The following PCDHA12 variants were observed in gnomAD, a reference collection of about 807,000 sequenced individuals.
The protein encoded by PCDHA12 is protocadherin alpha 12.
PCDHA12 carries 44 observed loss-of-function variants against 60.0 expected under a neutral mutation model. The observed-to-expected ratio is 0.73, with a 90% confidence interval of 0.58 to 0.94. The LOEUF (loss-of-function observed/expected upper bound fraction) is 0.94. PCDHA12 is among the 40% of genes least tolerant of loss of function. The probability of loss-of-function intolerance (pLI) is 0.00; values close to 1 mark genes in which losing one functional copy is unlikely to be tolerated. For missense variants in PCDHA12, 1,276 were observed against 1,239.7 expected, an observed-to-expected ratio of 1.03 and a Z score of -0.44; for synonymous variants, 569 against 553.0, an observed-to-expected ratio of 1.03 and a Z score of -0.40.
At chr5:140,921,943 T>C (rs2080514176) in intron 1 of PCDHA12, among the ~76,000 whole-genome samples, 1 of 151,972 alleles carries the variant, frequency 6.6e-6, no homozygotes, top group South Asian at 2.1e-4. Context: ...AATTTTACAC[T>C]TGTAAAATCC....
intron 1 of PCDHA12, among the ~76,000 whole-genome samples, chr5:140,896,747 G>C (rs1162214018): frequency 1.3e-5 from 2 of 152,070 alleles, no homozygotes; most frequent in Admixed American, 1.3e-4. Context: ...ATAGATTCTG[G>C]ATATTAGACC....
intron 3 of PCDHA12, among the ~76,000 whole-genome samples, chr5:140,986,846 A>G (rs782028314): frequency 6.6e-6 from 1 of 152,200 alleles, no homozygotes; most frequent in Non-Finnish European, 1.5e-5. Flanking sequence ...AAGGGGCAGC[A>G]ACACCAACAA....
chr5:141,000,192 T>C lies in PCDHA12; in HGVS notation c.2516-9435T>C, dbSNP rs112948047. 6.4e-3 allele frequency among the ~76,000 whole-genome samples: 968 copies of C among 151,888 alleles called. 13 individuals carry two copies. Among genetic ancestry groups the C allele is most frequent in the African/African-American group, 0.023 (941 of 41,384 alleles). ...TTGAGCCAAGGAGTCAATGTGAGAA[T>C]AGTTTTTCACCTTCATTATCAAATG... On this transcript the variant is annotated intron_variant, in intron 3 of 3. Coordinates refer to ENST00000398631, the MANE Select transcript of PCDHA12 (RefSeq NM_018903.4).
intron 1 of PCDHA12, among the ~76,000 whole-genome samples, chr5:140,888,467 A>C (rs562447782): frequency 7.2e-5 from 11 of 152,334 alleles, no homozygotes; most frequent in African/African-American, 2.6e-4. Flanking sequence ...TCAAAATGTC[A>C]GTAGTTCCAC....
At chr5:140,891,128 C>G (rs1554184692) in intron 1 of PCDHA12, among the ~76,000 whole-genome samples, 1 of 152,100 alleles carries the variant, frequency 6.6e-6, no homozygotes, top group Non-Finnish European at 1.5e-5. Flanking sequence ...AAATGTCATT[C>G]CTTTAAAGGT....
intron 1 of PCDHA12, among the ~76,000 whole-genome samples, chr5:140,951,349 T>C (rs1403359324): frequency 1.3e-5 from 2 of 152,144 alleles, no homozygotes; most frequent in Non-Finnish European, 2.9e-5. Flanking sequence ...GTTAGTCCAT[T>C]ATTGCACTGT....
Position 140,928,140 on chromosome 5 carries a change from G to GGCC in PCDHA12, c.2367+50302_2367+50304dup. 3 of 1,614,154 alleles carry GGCC rather than the reference G, an allele frequency of 1.9e-6. No homozygotes were observed. The South Asian group carries it at 3.3e-5, about 18-fold the overall frequency. On this transcript the variant is annotated intron_variant, in intron 1 of 3. Transcript: ENST00000398631. ...TCAGTGAATACCAAGTCCTGATCAC[G>GGCC]GCCTCAGATAGTGGCTCACCCCCAC...
chr5:140,945,715 A>G (rs145543790), intron 1 of PCDHA12, among the ~76,000 whole-genome samples: 3,564 of 152,270 alleles, frequency 0.023, 50 homozygotes, highest in Middle Eastern at 0.034. Context: ...AAAAGTATCA[A>G]GAATATACAA....
chr5:140,926,353 C>T (rs1402316154), intron 1 of PCDHA12: 1 of 152,272 alleles, frequency 6.6e-6, no homozygotes, highest in Non-Finnish European at 1.5e-5. Flanking sequence ...ACGCGCGGCT[C>T]CCAAAGGGCG....
Position 140,877,318 on chromosome 5 carries a change from G to T in PCDHA12, c.1846G>T (p.Val616Phe), listed in dbSNP as rs1193928342. Residue 616 changes from valine (V) to phenylalanine (F), a missense_variant, in exon 1 of 4, where the codon GTC (valine) becomes TTC (phenylalanine). By Grantham distance (50) the Val-to-Phe change is conservative (BLOSUM62 -1). Coordinates refer to ENST00000398631, the MANE Select transcript of PCDHA12 (RefSeq NM_018903.4). ...GTCCTACGAGTTGCAACCGGCGGCG[G>T]TCGGCGCGCACATCCCGTTCCACGT... ...WLSYELQPAAVGAHIPFHVGL... is the reference protein window; with the variant it reads ...WLSYELQPAAFGAHIPFHVGL... 3 of 1,614,000 alleles carry T rather than the reference G, an allele frequency of 1.9e-6. No homozygotes were observed. Among genetic ancestry groups the T allele is most frequent in the Non-Finnish European group, 2.5e-6 (3 of 1,179,880 alleles).
intron 1 of PCDHA12, among the ~76,000 whole-genome samples, chr5:140,942,896 C>CT (rs1554215262): frequency 6.6e-6 from 1 of 151,664 alleles, no homozygotes; most frequent in African/African-American, 2.4e-5. Flanking sequence ...AAATTTATCT[C>CT]TAAGAATAAG....
In PCDHA12 at chr5:140,875,591, A is replaced by G. The variant is rs1438500941; in HGVS notation, c.119A>G (p.Lys40Arg). ...CACTACTCCGTCTACGAGGAGGCCAAACACGGCACCTTCGTGGGCCGCATC... is the reference window on the plus strand; with the variant it reads ...CACTACTCCGTCTACGAGGAGGCCAGACACGGCACCTTCGTGGGCCGCATC... ...QLHYSVYEEA[K>R]HGTFVGRIAQ... The change falls in exon 1 of 4, where the codon AAA (lysine) becomes AGA (arginine). Residue 40 changes from lysine (K) to arginine (R), a missense_variant. Lys to Arg is a conservative substitution (Grantham distance 26). Coordinates refer to ENST00000398631, the MANE Select transcript of PCDHA12 (RefSeq NM_018903.4). The G allele has an allele frequency of 9.3e-6, 15 of 1,613,878 alleles. No homozygotes were observed. The highest frequency in any genetic ancestry group is 1.7e-5 in the Admixed American group (1 of 60,004).
At chr5:140,959,548 A>G (rs1554224134) in intron 1 of PCDHA12, among the ~76,000 whole-genome samples, 2 of 152,194 alleles carry the variant, frequency 1.3e-5, no homozygotes, top group Non-Finnish European at 2.9e-5. Flanking sequence ...ATGCTGTATA[A>G]ATAGAATCAG....
chr5:140,898,980 G>A (rs2067076537), intron 1 of PCDHA12, among the ~76,000 whole-genome samples: 1 of 151,930 alleles, frequency 6.6e-6, no homozygotes, highest in South Asian at 2.1e-4. Flanking sequence ...CTCATGATTT[G>A]GCTCTCTGTT....
intron 1 of PCDHA12, among the ~76,000 whole-genome samples, chr5:140,917,329 GA>G (rs1467900886): frequency 0.012 from 1,654 of 143,658 alleles, 142 homozygotes; most frequent in African/African-American, 0.032. Context: ...TGTGGCGGGG[GA>G]GGGGGGGGAT....
At chr5:140,937,546 G>A (rs1584916949) in intron 1 of PCDHA12, among the ~76,000 whole-genome samples, 1 of 152,050 alleles carries the variant, frequency 6.6e-6, no homozygotes, top group Non-Finnish European at 1.5e-5. Flanking sequence ...GAACCTGCGA[G>A]GCAGAGGTTG....
intron 1 of PCDHA12, chr5:140,967,251 C>T: frequency 6.2e-7 from 1 of 1,613,408 alleles, no homozygotes; most frequent in Non-Finnish European, 8.5e-7. Context: ...GAATCGGTGG[C>T]GCCTGGAGCG....
intron 3 of PCDHA12, among the ~76,000 whole-genome samples, chr5:141,006,789 C>T (rs1388215052): frequency 6.6e-6 from 1 of 152,026 alleles, no homozygotes; most frequent in Non-Finnish European, 1.5e-5. Flanking sequence ...GAATAATTAG[C>T]TTTGAACTTT....
intron 1 of PCDHA12, among the ~76,000 whole-genome samples, chr5:140,909,815 C>A (rs1168197798): frequency 3.9e-5 from 6 of 152,094 alleles, no homozygotes; most frequent in Non-Finnish European, 8.8e-5. Flanking sequence ...ACTCCATAAG[C>A]CCCTACTTTA....
Sources: gnomAD v4.1 joint callset for allele counts (sites outside exome capture counted in the v4.1 genomes callset) on GRCh38, gnomAD v4.1.1 for gene constraint, MANE v1.5 for transcripts, NCBI Gene and HGNC (gene_info 2026-07-23, HGNC 2026-07-21) for gene names.